NCR1: variants seen among roughly 807,000 people sequenced by gnomAD.
NCR1 encodes natural cytotoxicity triggering receptor 1, also known as NK cell-activating receptor.
NCR1 carries 30 observed loss-of-function variants against 32.5 expected under a neutral mutation model. The observed-to-expected ratio is 0.92, with a 90% CI of 0.69 to 1.25. The LOEUF (loss-of-function observed/expected upper bound fraction) is 1.25. NCR1 is among the 50% of genes most tolerant of loss of function. The pLI is 0.00. For synonymous variants in NCR1, 169 were observed against 143.4 expected (o/e 1.18, Z -1.28); for missense variants, 369 against 380.7 (o/e 0.97, Z 0.26).
the NCR1 span, among the ~76,000 whole-genome samples, chr19:54,931,935 G>A: frequency 2.6e-5 from 4 of 151,850 alleles, no homozygotes; most frequent in East Asian, 3.9e-4. Flanking sequence ...GGTTCAGACC[G>A]ACCCAGGACA....
At chr19:54,925,416 A>C in the NCR1 span, among the ~76,000 whole-genome samples, 3,234 of 152,318 alleles carry the variant, frequency 0.021, 97 homozygotes, top group African/African-American at 0.072. Context: ...GCAGGATATA[A>C]ATAACTCCCA....
the NCR1 span, chr19:54,930,349 C>T: frequency 1.2e-5 from 8 of 648,866 alleles, no homozygotes; most frequent in East Asian, 1.4e-4. Flanking sequence ...GTAGAGCCAG[C>T]TACTCAGGAG....
At chr19:54,918,451 G>C (rs1372445110), downstream of NCR1, among the ~76,000 whole-genome samples, 1 of 151,872 alleles carries the variant, frequency 6.6e-6, no homozygotes, top group Non-Finnish European at 1.5e-5. Context: ...TGTACTTTTA[G>C]TAAGTAAAGA....
intron 4 of NCR1, 106 bp downstream of exon 4, chr19:54,909,629 C>T: frequency 7.4e-7 from 1 of 1,359,604 alleles, no homozygotes; most frequent in Non-Finnish European, 9.9e-7. Flanking sequence ...ACGTCCACTT[C>T]CTGGGTGCCT....
the NCR1 span, chr19:54,934,470 A>G: frequency 3.7e-6 from 6 of 1,613,618 alleles, no homozygotes; most frequent in Admixed American, 8.3e-5. This position sits in a 1 kb window ranked among gnomAD's most constrained non-coding sequence, Gnocchi z 6.7. Flanking sequence ...AGAGCTGCCC[A>G]TGGGAAGAGG....
chr19:54,928,041 A>G, the NCR1 span, among the ~76,000 whole-genome samples: 16 of 152,160 alleles, frequency 1.1e-4, no homozygotes, highest in African/African-American at 3.9e-4. Flanking sequence ...CAGCCAGGCC[A>G]ACATGGCAAA....
the NCR1 span, chr19:54,936,261 C>T: frequency 8.1e-6 from 13 of 1,612,704 alleles, no homozygotes; most frequent in Non-Finnish European, 1.1e-5. Flanking sequence ...TGAGACCCAC[C>T]TCAGGTACTG....
In NCR1 at chr19:54,909,393, C is replaced by T. The variant is rs765774550; in HGVS notation, c.504C>T (p.Tyr168=). 1.1e-5 allele frequency: 18 copies of T among 1,613,920 alleles called. 1 individual carries two copies. In the South Asian group the frequency reaches 1.2e-4, roughly 11 times the overall value. ...GATCCAGCCACGTACAGCGCGGATA[C>T]GGGAAGGTCCAGGCGGAGTTCCCCC... ...EGRSSHVQRG[Y]GKVQAEFPLG... The change falls in exon 4 of 7, where the codon TAC becomes TAT. Residue 168 remains tyrosine (Y), a synonymous_variant. Coordinates refer to ENST00000291890, the MANE Select transcript of NCR1 (RefSeq NM_004829.7).
the NCR1 span, chr19:54,934,795 C>A: frequency 1.5e-6 from 1 of 683,946 alleles, no homozygotes; most frequent in Non-Finnish European, 2.4e-6. This position sits in a 1 kb window ranked among gnomAD's most constrained non-coding sequence, Gnocchi z 6.7. Context: ...CTGCAGCCTC[C>A]GCCTCCCGGG....
At chr19:54,921,630 G>A in the NCR1 span, among the ~76,000 whole-genome samples, 2 of 151,964 alleles carry the variant, frequency 1.3e-5, no homozygotes, top group East Asian at 3.9e-4. Flanking sequence ...AAATTAGCCA[G>A]GCATGGTGAC....
At chr19:54,902,800 GA>G (rs1423757209), upstream of NCR1, among the ~76,000 whole-genome samples, 1 of 151,886 alleles carries the variant, frequency 6.6e-6, no homozygotes, top group Non-Finnish European at 1.5e-5. Context: ...TGTGTAAGGG[GA>G]AACGCCAGCA....
the NCR1 span, among the ~76,000 whole-genome samples, chr19:54,933,059 T>C: frequency 2.6e-5 from 4 of 152,188 alleles, no homozygotes; most frequent in African/African-American, 9.6e-5. Flanking sequence ...AACCAACTAC[T>C]CATCTCAAAT....
chr19:54,912,847 A>G lies in NCR1; in HGVS notation c.891A>G (p.Arg297=), dbSNP rs765287999. 5.0e-6 allele frequency: 8 copies of G among 1,613,548 alleles called. No individual in the cohort carries two copies. The South Asian group carries it at 8.8e-5, about 18-fold the overall frequency. Reference sequence around the variant, plus strand: ...GAGCTTCCACTTGGGAAGGCAGGAGAAGGCTGAACACACAGACTCTTTGAA... The same window carrying G: ...GAGCTTCCACTTGGGAAGGCAGGAGGAGGCTGAACACACAGACTCTTTGAA... ...ASRASTWEGR[R]RLNTQTL is the part of the protein sequence containing the mutation. Residue 297 remains arginine, a synonymous_variant, in exon 7 of 7, where the codon AGA becomes AGG. Transcript: ENST00000291890.
the NCR1 span, chr19:54,923,984 G>A: frequency 8.5e-7 from 1 of 1,180,996 alleles, no homozygotes; most frequent in Non-Finnish European, 1.2e-6. Context: ...GGGATTTTCT[G>A]GGGGACAGGG....
chr19:54,914,838 C>G (rs939367957), downstream of NCR1, among the ~76,000 whole-genome samples: 5 of 151,656 alleles, frequency 3.3e-5, no homozygotes, highest in African/African-American at 9.7e-5. Flanking sequence ...CTCTGGGGCT[C>G]AAGCGATTCT....
chr19:54,936,628 C>T, the NCR1 span, among the ~76,000 whole-genome samples: 1 of 151,490 alleles, frequency 6.6e-6, no homozygotes, highest in Non-Finnish European at 1.5e-5. Flanking sequence ...CTGAGACCAA[C>T]CTGGGCAACA....
chr19:54,898,893 G>A, the NCR1 span, among the ~76,000 whole-genome samples: 1 of 152,122 alleles, frequency 6.6e-6, no homozygotes, highest in South Asian at 2.1e-4. Flanking sequence ...TGGACCGGGT[G>A]TGAGGAGGGG....
chr19:54,911,917 C>CAA (rs367770103), intron 5 of NCR1, among the ~76,000 whole-genome samples: 38 of 136,360 alleles, frequency 2.8e-4, no homozygotes, highest in East Asian at 2.7e-3. Context: ...GACTCTATCT[C>CAA]AAAAAAAAAA....
At chr19:54,926,784 C>T in the NCR1 span, among the ~76,000 whole-genome samples, 4 of 151,632 alleles carry the variant, frequency 2.6e-5, no homozygotes, top group African/African-American at 4.8e-5. Context: ...GGTGTGGTGG[C>T]GAGCGACTGT....
Sources: allele counts gnomAD v4.1 joint callset (sites outside exome capture counted in the v4.1 genomes callset), GRCh38; gene constraint gnomAD v4.1.1; non-coding constraint Gnocchi (gnomAD v3.1); transcripts MANE v1.5; gene names NCBI Gene and HGNC (gene_info 2026-07-23, HGNC 2026-07-21).